NTRK3: variants seen among roughly 807,000 people sequenced by gnomAD.
NTRK3 encodes neurotrophic receptor tyrosine kinase 3, also known as NT-3 growth factor receptor.
Under a neutral mutation model 91.7 loss-of-function variants are expected in NTRK3, and 24 were observed. That is an observed-to-expected ratio of 0.26 (90% CI 0.19 to 0.37). NTRK3 has a LOEUF of 0.37. Among genes scored for constraint, NTRK3 ranks in the 10% least tolerant of loss-of-function variants. The probability of loss-of-function intolerance (pLI) is 1.00; values close to 1 mark genes in which losing one functional copy is unlikely to be tolerated. For missense variants in NTRK3, 880 were observed against 1,068.9 expected (o/e 0.82, Z 2.46); for synonymous variants, 483 against 404.0 (o/e 1.20, Z -2.34).
At chr15:88,148,881 T>G (rs2043121786) in intron 5 of NTRK3, among the ~76,000 whole-genome samples, 1 of 152,072 alleles carries the variant, frequency 6.6e-6, no homozygotes, top group African/African-American at 2.4e-5. Flanking sequence ...CTGCCAGGAT[T>G]TCTATTGGAT....
At chr15:88,153,564 T>TC (rs370101718) in intron 5 of NTRK3, among the ~76,000 whole-genome samples, 13 of 152,192 alleles carry the variant, frequency 8.5e-5, no homozygotes, top group South Asian at 2.1e-4. Context: ...CTCTTTTTTT[T>TC]CACTATGAAA....
At chr15:88,130,361 A>C (rs1301975219) in intron 10 of NTRK3, among the ~76,000 whole-genome samples, 2 of 152,234 alleles carry the variant, frequency 1.3e-5, no homozygotes, top group African/African-American at 4.8e-5. Context: ...CAAATATTAC[A>C]GTAATAATTG....
intron 3 of NTRK3, among the ~76,000 whole-genome samples, chr15:88,228,786 C>T (rs1020626684): frequency 6.6e-6 from 1 of 152,186 alleles, no homozygotes; most frequent in Non-Finnish European, 1.5e-5. Flanking sequence ...GCAGCACCCC[C>T]AGAAGCCCCT....
chr15:88,203,411 G>C (rs944375468), intron 3 of NTRK3, among the ~76,000 whole-genome samples: 1 of 152,166 alleles, frequency 6.6e-6, no homozygotes, highest in Non-Finnish European at 1.5e-5. Context: ...GAGTTGCACT[G>C]TTTGAGCTTT....
chr15:88,226,944 G>T (rs140937919), intron 3 of NTRK3, among the ~76,000 whole-genome samples: 106 of 152,304 alleles, frequency 7.0e-4, no homozygotes, highest in African/African-American at 2.5e-3. Context: ...TCTGACCTGA[G>T]CTCTCATCTT....
intron 3 of NTRK3, among the ~76,000 whole-genome samples, chr15:88,186,992 A>C (rs185585063): frequency 8.1e-4 from 124 of 152,312 alleles, no homozygotes; most frequent in African/African-American, 2.9e-3. Flanking sequence ...CGTAAGAATG[A>C]TGTGAAGATC....
chr15:88,189,033 A>G (rs2047172684), intron 3 of NTRK3, among the ~76,000 whole-genome samples: 1 of 152,144 alleles, frequency 6.6e-6, no homozygotes, highest in Non-Finnish European at 1.5e-5. Flanking sequence ...ACTTTTCCAG[A>G]CGGAGGGAGA....
exon 10 of NTRK3, chr15:88,135,246 G>A (rs1260129578): frequency 6.2e-7 from 1 of 1,614,112 alleles, no homozygotes; most frequent in Non-Finnish European, 8.5e-7. Context: ...CTCCCTCTTG[G>A]TAGTATTCCA....
At chr15:88,209,534 C>T (rs192164950) in intron 3 of NTRK3, among the ~76,000 whole-genome samples, 2 of 152,258 alleles carry the variant, frequency 1.3e-5, no homozygotes, top group Admixed American at 6.5e-5. Context: ...GCTAAAAAGC[C>T]AAACAGGTAG....
At chr15:87,916,555 C>T (rs757853638) in intron 17 of NTRK3, 46 of 702,224 alleles carry the variant, frequency 6.6e-5, no homozygotes, top group South Asian at 4.4e-4. Flanking sequence ...CTCATGCCTG[C>T]ACAACCTTCA....
At chr15:88,001,771 G>A (rs73458481) in intron 14 of NTRK3, among the ~76,000 whole-genome samples, 3,065 of 152,148 alleles carry the variant, frequency 0.02, 95 homozygotes, top group African/African-American at 0.069. Context: ...TGAGGAGTTA[G>A]AACCTCCAAA....
rs140104688 is a variant in NTRK3 at position 88,082,092 on chromosome 15, C to G, written c.1396+44179G>C. Among the ~76,000 whole-genome samples, 7 of 152,084 alleles carry G rather than the reference C, an allele frequency of 4.6e-5. No homozygotes were observed. In the East Asian group the frequency reaches 9.7e-4, roughly 21 times the overall value. On this transcript the variant is annotated intron_variant, in intron 13 of 18. Transcript: ENST00000394480. Reference sequence around the variant, plus strand: ...GAGATGGAGACCATCCTGACTAACACGGTGAAACCCCGTCCCTACTGAAAA... The same window carrying G: ...GAGATGGAGACCATCCTGACTAACAGGGTGAAACCCCGTCCCTACTGAAAA...
At position 88,251,299 on chromosome 15, in the gene NTRK3, C is replaced by A. The variant is rs1056643658; in HGVS notation, c.248+4607G>T. ...GAGATGCCCTTAAAAGTGGCGTGGC[C>A]GAGCCTCCTGGGGGAAGTTCTCTGG... On this transcript the variant is annotated intron_variant, in intron 3 of 18. Transcript: ENST00000394480. Among the ~76,000 whole-genome samples, 3 of 152,284 alleles carry A rather than the reference C, an allele frequency of 2.0e-5. No homozygotes were observed. The South Asian group carries it at 6.2e-4, about 32-fold the overall frequency.
chr15:87,961,928 TG>T (rs1451415110), intron 14 of NTRK3, among the ~76,000 whole-genome samples: 2 of 152,292 alleles, frequency 1.3e-5, no homozygotes, highest in East Asian at 3.9e-4. Context: ...ACCAGAGAGG[TG>T]GGCCACACAT....
intron 14 of NTRK3, among the ~76,000 whole-genome samples, chr15:88,013,302 T>A (rs1015529010): frequency 1.3e-5 from 2 of 152,218 alleles, no homozygotes; most frequent in Non-Finnish European, 2.9e-5. Flanking sequence ...CGTAACCAGA[T>A]AACAGAACTG....
chr15:88,126,429 T>C (rs1417593472), intron 12 of NTRK3, 56 bp from the exon 13 acceptor site: 1 of 1,196,730 alleles, frequency 8.4e-7, no homozygotes, highest in Admixed American at 1.8e-5. Flanking sequence ...CCAATTTCCT[T>C]GAAAATAATG....
intron 14 of NTRK3, among the ~76,000 whole-genome samples, chr15:87,948,607 G>A (rs1357512020): frequency 1.3e-5 from 2 of 152,200 alleles, no homozygotes; most frequent in Non-Finnish European, 2.9e-5. Flanking sequence ...AGAATCGCTT[G>A]AACCTGGGAG....
intron 14 of NTRK3, among the ~76,000 whole-genome samples, chr15:88,022,309 C>CA (rs1450938724): frequency 6.6e-6 from 1 of 152,020 alleles, no homozygotes; most frequent in Non-Finnish European, 1.5e-5. Flanking sequence ...GGAGAAGCAC[C>CA]AAAAAACCCA....
chr15:87,911,595 A>C (rs1435397), intron 17 of NTRK3, among the ~76,000 whole-genome samples: 11 of 152,112 alleles, frequency 7.2e-5, no homozygotes, highest in Non-Finnish European at 5.9e-5. Flanking sequence ...GCGTTTTCCA[A>C]TCTTGCCACC....
Sources: gnomAD v4.1 joint callset for allele counts (sites outside exome capture counted in the v4.1 genomes callset) on GRCh38, gnomAD v4.1.1 for gene constraint, MANE v1.5 for transcripts, NCBI Gene and HGNC (gene_info 2026-07-23, HGNC 2026-07-21) for gene names.